COL24A1: variants seen among roughly 807,000 people sequenced by gnomAD.
COL24A1 encodes collagen type XXIV alpha 1 chain, also known as collagen alpha-1(XXIV) chain.
In COL24A1, 224 loss-of-function variants were observed where a neutral mutation model predicts 253.9. The observed-to-expected ratio is 0.88, with a 90% CI of 0.79 to 0.99. The LOEUF is 0.99. Ranked by LOEUF, COL24A1 falls within the 50% of genes least tolerant of loss-of-function variation. The pLI, the probability that COL24A1 is intolerant of heterozygous loss-of-function variation, is 0.00. For missense variants in COL24A1, 2,131 were observed against 2,068.5 expected (o/e 1.03, Z -0.59); for synonymous variants, 685 against 673.7 (o/e 1.02, Z -0.26).
intron 45 of COL24A1, among the ~76,000 whole-genome samples, chr1:85,818,839 CAGA>C (rs1673307415): frequency 6.6e-6 from 1 of 152,176 alleles, no homozygotes; most frequent in African/African-American, 2.4e-5. Flanking sequence ...CAGAAATCAT[CAGA>C]AGTTCTCACA....
chr1:85,832,412 CTT>C (rs948211319), intron 43 of COL24A1, among the ~76,000 whole-genome samples: 1 of 151,890 alleles, frequency 6.6e-6, no homozygotes, highest in Non-Finnish European at 1.5e-5. Context: ...AATGTGGGCT[CTT>C]TTTTGGTTCC....
intron 51 of COL24A1, 73 bp downstream of exon 51, chr1:85,783,423 C>A: frequency 1.6e-6 from 2 of 1,219,682 alleles, no homozygotes; most frequent in Non-Finnish European, 2.4e-6. Flanking sequence ...AAGTACATTA[C>A]ATTTAGAGCT....
intron 47 of COL24A1, among the ~76,000 whole-genome samples, chr1:85,810,972 C>T (rs184758906): frequency 4.6e-5 from 7 of 152,262 alleles, no homozygotes; most frequent in African/African-American, 9.6e-5. Flanking sequence ...TCCTGGAAGA[C>T]AAGAACCCTC....
intron 12 of COL24A1, among the ~76,000 whole-genome samples, chr1:86,038,719 G>A (rs1311731342): frequency 2.0e-5 from 3 of 152,036 alleles, no homozygotes; most frequent in Non-Finnish European, 2.9e-5. Context: ...ACTCACTCTG[G>A]GGGAAGCCAA....
intron 7 of COL24A1, among the ~76,000 whole-genome samples, chr1:86,074,423 T>C (rs72716149): frequency 0.072 from 10,919 of 152,258 alleles, 498 homozygotes; most frequent in Middle Eastern, 0.14. Flanking sequence ...TAAATATACA[T>C]GCACCCAATA....
chr1:86,069,383 C>T (rs1182558090), intron 7 of COL24A1, among the ~76,000 whole-genome samples: 1 of 152,122 alleles, frequency 6.6e-6, no homozygotes, highest in African/African-American at 2.4e-5. Context: ...GGGGAAATTG[C>T]TGGAAAGAGT....
At chr1:85,730,840 A>T in intron 59 of COL24A1, 148 bp from the exon 60 acceptor site, 1 of 756,174 alleles carries the variant, frequency 1.3e-6, no homozygotes, top group Non-Finnish European at 2.1e-6. Context: ...TAAATGGTAA[A>T]ATTACTATTA....
intron 24 of COL24A1, among the ~76,000 whole-genome samples, chr1:85,942,219 A>G (rs1404267764): frequency 1.6e-4 from 25 of 152,176 alleles, no homozygotes; most frequent in Admixed American, 1.6e-3. Context: ...GACACATATG[A>G]CATTTTTAGA....
At chr1:85,771,259 G>A (rs1014706986) in intron 53 of COL24A1, among the ~76,000 whole-genome samples, 6 of 151,748 alleles carry the variant, frequency 4.0e-5, no homozygotes, top group African/African-American at 7.3e-5. Context: ...CCTAGCCTCC[G>A]ACCCCCGACA....
intron 2 of COL24A1, among the ~76,000 whole-genome samples, chr1:86,142,353 C>G (rs557923682): frequency 1.3e-5 from 2 of 151,734 alleles, no homozygotes; most frequent in South Asian, 4.2e-4. Flanking sequence ...GAAACCCTGT[C>G]TCTACTAAAA....
chr1:85,743,257 C>A (rs1014260018), intron 57 of COL24A1, among the ~76,000 whole-genome samples: 3 of 152,110 alleles, frequency 2.0e-5, no homozygotes, highest in Non-Finnish European at 4.4e-5. Flanking sequence ...TATATGCACT[C>A]TCTTCCATTC....
At chr1:86,057,416 T>G (rs1700747675) in intron 10 of COL24A1, among the ~76,000 whole-genome samples, 1 of 152,186 alleles carries the variant, frequency 6.6e-6, no homozygotes, top group Non-Finnish European at 1.5e-5. Flanking sequence ...TAATACAATA[T>G]AATATAGAAA....
chr1:85,823,952 CT>C (rs567357897), intron 43 of COL24A1, among the ~76,000 whole-genome samples: 2 of 150,664 alleles, frequency 1.3e-5, no homozygotes, highest in Non-Finnish European at 1.5e-5. Flanking sequence ...TTCTTTCTTT[CT>C]TTTTTTTTAA....
intron 24 of COL24A1, among the ~76,000 whole-genome samples, chr1:85,921,229 C>A (rs1456569868): frequency 6.6e-6 from 1 of 152,178 alleles, no homozygotes; most frequent in Non-Finnish European, 1.5e-5. Flanking sequence ...ACACTCCTGC[C>A]CAAATACTGC....
chr1:85,783,704 C>CT (rs1669371610), intron 50 of COL24A1, 146 bp from the exon 51 acceptor site: 2 of 694,242 alleles, frequency 2.9e-6, no homozygotes, highest in Non-Finnish European at 4.8e-6. Context: ...AGGAAGTGTA[C>CT]TGAGGCCTAC....
intron 5 of COL24A1, among the ~76,000 whole-genome samples, chr1:86,097,838 C>T (rs948447982): frequency 6.6e-6 from 1 of 151,946 alleles, no homozygotes; most frequent in African/African-American, 2.4e-5. Flanking sequence ...GTATTTCTAG[C>T]TATGGCATGT....
At chr1:85,897,449 TAA>T (rs574169363) in intron 28 of COL24A1, among the ~76,000 whole-genome samples, 2 of 139,832 alleles carry the variant, frequency 1.4e-5, no homozygotes, top group Admixed American at 7.2e-5. Flanking sequence ...TTAGCTGGAA[TAA>T]AAAAAAAAAG....
chr1:85,933,717 A>G (rs1473915663), intron 24 of COL24A1, among the ~76,000 whole-genome samples: 2 of 152,230 alleles, frequency 1.3e-5, no homozygotes, highest in African/African-American at 2.4e-5. Context: ...TATATTTTCA[A>G]TTGTAAAGTT....
rs10526604 is a variant in COL24A1, at chr1:85,906,264, C to CTTTT, written c.2778+926_2778+929dup. ...TTTGCCAACTGGAAAACTGCAAGGT[C>CTTTT]TTTTTTTTTTTTTACCATGGTTAGG... On this transcript the variant is annotated intron_variant, in intron 28 of 59. Transcript: ENST00000370571. Among the ~76,000 whole-genome samples the CTTTT allele has an allele frequency of 1.3e-4, 10 of 77,846 alleles. 1 individual carries two copies. Among genetic ancestry groups the CTTTT allele is most frequent in the South Asian group, 5.0e-4 (1 of 1,992 alleles). The allele number at this position is 77,846 out of a possible 152,430, so 51.1% of individuals were successfully genotyped here.
Sources: gnomAD v4.1 joint callset for allele counts (sites outside exome capture counted in the v4.1 genomes callset) on GRCh38, gnomAD v4.1.1 for gene constraint, MANE v1.5 for transcripts, NCBI Gene and HGNC (gene_info 2026-07-23, HGNC 2026-07-21) for gene names.